The following NFATC3 variants were observed in gnomAD, a reference collection of about 807,000 sequenced individuals.
NFATC3 encodes nuclear factor of activated T-cells, cytoplasmic 3.
A neutral mutation model predicts 98.6 loss-of-function variants in NFATC3; 46 were observed. The ratio of observed to expected loss-of-function variants is 0.47; its 90% CI spans 0.37 to 0.60. The LOEUF is 0.60. Among genes scored for constraint, NFATC3 ranks in the 20% least tolerant of loss-of-function variants. NFATC3 has a pLI of 0.00. For synonymous variants in NFATC3, 512 were observed against 472.2 expected (o/e 1.08, Z -1.09); for missense variants, 1,256 against 1,295.5 (o/e 0.97, Z 0.47).
intron 9 of NFATC3, among the ~76,000 whole-genome samples, chr16:68,216,989 T>C (rs1174961196): frequency 6.6e-6 from 1 of 152,224 alleles, no homozygotes; most frequent in East Asian, 1.9e-4. Context: ...AATTTTTTTA[T>C]ATTAAAAAAG....
intron 1 of NFATC3, among the ~76,000 whole-genome samples, chr16:68,120,568 C>T (rs1164725428): frequency 7.4e-6 from 1 of 135,216 alleles, no homozygotes; most frequent in Admixed American, 7.7e-5. Context: ...GAGACTCTGT[C>T]TCAGAAAAAA....
intron 3 of NFATC3, among the ~76,000 whole-genome samples, chr16:68,148,982 C>T (rs1343744791): frequency 6.6e-6 from 1 of 151,912 alleles, no homozygotes; most frequent in African/African-American, 2.4e-5. Flanking sequence ...GGCAACACAG[C>T]GAGACTCCAT....
chr16:68,165,615 C>A (rs148282883), intron 4 of NFATC3, among the ~76,000 whole-genome samples: 5 of 151,970 alleles, frequency 3.3e-5, no homozygotes, highest in Non-Finnish European at 7.4e-5. Flanking sequence ...AGGCTGGTCT[C>A]GAAATACTGA....
At position 68,228,264 on chromosome 16, in the gene NFATC3, T is replaced by A. The variant is rs1158413289; in HGVS notation, c.*1793T>A. 6.6e-6 allele frequency: 1 copy of A among 152,250 alleles called. No homozygotes were observed. The highest frequency in any genetic ancestry group is 1.5e-5 in the Non-Finnish European group (1 of 68,040). The allele number at this position is 152,250 out of a possible 1,614,324, so 9.4% of individuals were successfully genotyped here. A position where few individuals can be genotyped will look rare whatever the true frequency, so the allele number is the denominator to read the frequency against. On this transcript the variant is annotated 3_prime_UTR_variant, in exon 10 of 10. Coordinates refer to ENST00000346183, the MANE Select transcript of NFATC3 (RefSeq NM_173165.3). ...AAATTTTCTTGAAAAGTGAGTTGTG[T>A]CACAGAATGTGGATAGTGAGATTTG...
At chr16:68,208,318 G>A (rs1182847787) in intron 9 of NFATC3, among the ~76,000 whole-genome samples, 1 of 152,172 alleles carries the variant, frequency 6.6e-6, no homozygotes, top group African/African-American at 2.4e-5. Flanking sequence ...TTATAGGCAT[G>A]AGCCACCATG....
chr16:68,161,909 T>C (rs1405480787), intron 4 of NFATC3, among the ~76,000 whole-genome samples: 2 of 152,186 alleles, frequency 1.3e-5, no homozygotes, highest in Non-Finnish European at 2.9e-5. Flanking sequence ...ATTGGAGCAG[T>C]AGGATCTAAA....
chr16:68,100,745 T>C (rs1156952427), intron 1 of NFATC3, among the ~76,000 whole-genome samples: 2 of 152,144 alleles, frequency 1.3e-5, no homozygotes, highest in African/African-American at 4.8e-5. Context: ...ATTGTGGTTT[T>C]AATTATATTC....
At chr16:68,166,785 G>T in intron 4 of NFATC3, 58 bp from the exon 5 acceptor site, 1 of 1,331,432 alleles carries the variant, frequency 7.5e-7, no homozygotes. Context: ...ATGTAGTTGA[G>T]TTGTTTATAA....
chr16:68,194,216 T>C (rs1125331), intron 9 of NFATC3, among the ~76,000 whole-genome samples: 27,744 of 152,132 alleles, frequency 0.18, 2,907 homozygotes, highest in African/African-American at 0.28. Flanking sequence ...CAGCTGCCTC[T>C]CAGAAACAGC....
At chr16:68,224,976 A>C (rs957765035) in intron 9 of NFATC3, 1 of 151,924 alleles carries the variant, frequency 6.6e-6, no homozygotes, top group African/African-American at 2.4e-5. Context: ...TTTTTGAGAC[A>C]GAGTCTCACT....
intron 1 of NFATC3, among the ~76,000 whole-genome samples, chr16:68,113,701 C>T (rs984446645): frequency 4.6e-5 from 7 of 152,188 alleles, no homozygotes; most frequent in Admixed American, 3.9e-4. Context: ...AACCATGAGA[C>T]CATGACCACC....
intron 9 of NFATC3, among the ~76,000 whole-genome samples, chr16:68,199,233 AT>A (rs1221683762): frequency 1.4e-5 from 2 of 145,212 alleles, no homozygotes; most frequent in African/African-American, 2.7e-5. Flanking sequence ...TTTATTTTTT[AT>A]TTTTTTTGAG....
In NFATC3 at chr16:68,122,686, C is replaced by T. The variant is rs765421785; in HGVS notation, c.803C>T (p.Thr268Ile). 3.3e-5 allele frequency: 53 copies of T among 1,614,092 alleles called. No individual in the cohort carries two copies. The South Asian group carries it at 5.1e-4, about 15-fold the overall frequency. Residue 268 changes from threonine (T) to isoleucine (I), a missense_variant, in exon 2 of 10, where the codon ACA becomes ATA. Physicochemically the swap from Thr to Ile is moderately conservative, Grantham distance 89. Around this residue, in one of 3 missense-constraint regions of NFATC3, gnomAD observed 464 missense variants for 465.7 expected, o/e 1.00. Coordinates refer to ENST00000346183, the MANE Select transcript of NFATC3 (RefSeq NM_173165.3). ...RPASGPSSRP[T>I]SPCGKRRHSS... ...GCCTCAGGACCCTCATCAAGGCCCA[C>T]ATCCCCCTGTGGGAAACGGAGGCAC...
Position 68,226,384 on chromosome 16 carries a change from T to G in NFATC3, c.3141T>G (p.Ile1047Met). The G allele has an allele frequency of 6.4e-7, 1 of 1,568,572 alleles. No individual in the cohort carries two copies. The highest frequency in any genetic ancestry group is 8.6e-7 in the Non-Finnish European group (1 of 1,162,810). Reference sequence around the variant, plus strand: ...TAATTGGGAGAGACATGTCCCAGATTTCTGTTTCCCAAGGAGCAGGGGTGA... The same window carrying G: ...TAATTGGGAGAGACATGTCCCAGATGTCTGTTTCCCAAGGAGCAGGGGTGA... Reference protein sequence around the residue: ...NEIIGRDMSQISVSQGAGVSR... With the variant: ...NEIIGRDMSQMSVSQGAGVSR... Residue 1047 changes from isoleucine (I) to methionine (M), a missense_variant, in exon 10 of 10, where the codon ATT becomes ATG. Ile to Met is a conservative substitution (Grantham distance 10). Transcript: ENST00000346183.
At chr16:68,202,093 GTTCC>G (rs2040948442) in intron 9 of NFATC3, among the ~76,000 whole-genome samples, 1 of 151,078 alleles carries the variant, frequency 6.6e-6, no homozygotes, top group African/African-American at 2.4e-5. Flanking sequence ...AAGTCCCTCA[GTTCC>G]CACTTGTCCT....
intron 1 of NFATC3, among the ~76,000 whole-genome samples, chr16:68,099,728 T>G (rs998857496): frequency 1.3e-5 from 2 of 152,114 alleles, no homozygotes; most frequent in Non-Finnish European, 2.9e-5. Context: ...TGGCAACCAC[T>G]AATCTATTCT....
At chr16:68,106,296 CT>C (rs1262550086) in intron 1 of NFATC3, among the ~76,000 whole-genome samples, 64 of 142,956 alleles carry the variant, frequency 4.5e-4, no homozygotes, top group Middle Eastern at 3.6e-3. Context: ...TTTTCTTTTT[CT>C]TTTTTTTTTT....
At chr16:68,132,537 C>G (rs1000537614) in intron 3 of NFATC3, among the ~76,000 whole-genome samples, 1 of 152,164 alleles carries the variant, frequency 6.6e-6, no homozygotes, top group Non-Finnish European at 1.5e-5. Flanking sequence ...TCCAGCAGTT[C>G]CACTGTTGGG....
At chr16:68,100,931 T>TGA (rs2035315969) in intron 1 of NFATC3, among the ~76,000 whole-genome samples, 2 of 151,166 alleles carry the variant, frequency 1.3e-5, no homozygotes, top group Non-Finnish European at 3.0e-5. Flanking sequence ...TGTGTGTGTG[T>TGA]GAAACAAGTC....
Sources: allele counts gnomAD v4.1 joint callset (sites outside exome capture counted in the v4.1 genomes callset), GRCh38; gene constraint gnomAD v4.1.1; regional missense constraint gnomAD v4.1.1; transcripts MANE v1.5; gene names NCBI Gene and HGNC (gene_info 2026-07-23, HGNC 2026-07-21).